The following TANC2 variants were observed in gnomAD, a reference collection of about 807,000 sequenced individuals.
The protein encoded by TANC2 is tetratricopeptide repeat, ankyrin repeat and coiled-coil containing 2.
TANC2 carries 26 observed loss-of-function variants against 210.5 expected under a neutral mutation model. The observed-to-expected ratio is 0.12, with a 90% CI of 0.09 to 0.17. The LOEUF (loss-of-function observed/expected upper bound fraction) is 0.17, where lower values mean the gene tolerates loss of function less well. Among genes scored for constraint, TANC2 ranks in the 10% least tolerant of loss-of-function variants. TANC2 has a pLI of 1.00. For missense variants in TANC2, 2,129 were observed against 2,608.9 expected (o/e 0.82, Z 4.01); for synonymous variants, 931 against 967.1 (o/e 0.96, Z 0.69).
chr17:63,207,036 C>T (rs1180153483), intron 7 of TANC2, among the ~76,000 whole-genome samples: 1 of 151,804 alleles, frequency 6.6e-6, no homozygotes, highest in African/African-American at 2.4e-5. Context: ...GTATCTCTTC[C>T]CATTTCTCTA....
chr17:63,355,371 A>G, exon 14 of TANC2: 1 of 1,585,718 alleles, frequency 6.3e-7, no homozygotes. Flanking sequence ...AGAGAAAACC[A>G]AATTTCTCTG....
At chr17:63,035,382 T>G (rs1568333750) in intron 2 of TANC2, among the ~76,000 whole-genome samples, 1 of 152,240 alleles carries the variant, frequency 6.6e-6, no homozygotes, top group Non-Finnish European at 1.5e-5. Context: ...TTTGTGTGAC[T>G]CGCTTTATTG....
intron 4 of TANC2, among the ~76,000 whole-genome samples, chr17:63,108,244 CTT>C (rs2037901093): frequency 6.6e-6 from 1 of 151,646 alleles, no homozygotes; most frequent in Non-Finnish European, 1.5e-5. Context: ...AGCAATTAAA[CTT>C]AACTCATTAT....
intron 14 of TANC2, among the ~76,000 whole-genome samples, chr17:63,359,362 T>C (rs1290403478): frequency 2.2e-5 from 3 of 139,272 alleles, no homozygotes; most frequent in African/African-American, 6.5e-5. Context: ...TTTTTTTTTT[T>C]TCGAGACAGA....
intron 8 of TANC2, among the ~76,000 whole-genome samples, chr17:63,257,649 C>T (rs553853294): frequency 3.9e-5 from 6 of 152,264 alleles, no homozygotes; most frequent in African/African-American, 1.4e-4. Context: ...TGTGAGCCAC[C>T]GCACCCAGCC....
intron 14 of TANC2, among the ~76,000 whole-genome samples, chr17:63,358,063 A>G (rs2046828981): frequency 2.0e-5 from 3 of 152,186 alleles, no homozygotes; most frequent in African/African-American, 4.8e-5. Flanking sequence ...TCAGCACTCA[A>G]TTGCCAAAAA....
chr17:63,002,354 T>C (rs2033424011), intron 1 of TANC2, among the ~76,000 whole-genome samples: 1 of 152,252 alleles, frequency 6.6e-6, no homozygotes, highest in Non-Finnish European at 1.5e-5. Flanking sequence ...TAAATAGTTT[T>C]AGTTATCGCA....
chr17:63,316,393 G>A (rs1257053875), intron 10 of TANC2, among the ~76,000 whole-genome samples: 2 of 152,160 alleles, frequency 1.3e-5, no homozygotes, highest in African/African-American at 4.8e-5. Context: ...AGGACGAGAA[G>A]AGTTGCTTTC....
exon 28 of TANC2, chr17:63,423,328 A>T (rs1440841217): frequency 1.3e-5 from 2 of 152,194 alleles, no homozygotes; most frequent in African/African-American, 2.4e-5. Flanking sequence ...TGTCTAGAAG[A>T]CACATCTTCT....
At chr17:63,129,731 A>G (rs137957093) in intron 4 of TANC2, among the ~76,000 whole-genome samples, 9 of 152,174 alleles carry the variant, frequency 5.9e-5, no homozygotes, top group African/African-American at 2.2e-4. Flanking sequence ...GATTAGAAAA[A>G]TAAATTATAA....
At chr17:63,271,430 C>G (rs1192640960) in intron 9 of TANC2, among the ~76,000 whole-genome samples, 2 of 110,124 alleles carry the variant, frequency 1.8e-5, no homozygotes, top group Non-Finnish European at 3.5e-5. Context: ...ACACTGAGCT[C>G]TTTTTCTTTT....
chr17:63,221,442 CAAAAAAAAAAA>C (rs755699051), intron 7 of TANC2, among the ~76,000 whole-genome samples: 5 of 87,522 alleles, frequency 5.7e-5, no homozygotes, highest in Admixed American at 5.1e-4. Context: ...GACTCCATCT[CAAAAAAAAAAA>C]AAAAAAAGAA....
chr17:63,285,652 C>A (rs1321015295), intron 9 of TANC2, among the ~76,000 whole-genome samples: 1 of 152,162 alleles, frequency 6.6e-6, no homozygotes, highest in Non-Finnish European at 1.5e-5. Flanking sequence ...ACACAAGCTT[C>A]CAAGTACCCT....
At chr17:63,044,444 T>G (rs1251114968) in intron 2 of TANC2, among the ~76,000 whole-genome samples, 4 of 152,128 alleles carry the variant, frequency 2.6e-5, no homozygotes, top group Non-Finnish European at 5.9e-5. Flanking sequence ...TACAGTATGT[T>G]TCTTTTATGT....
chr17:63,129,608 T>C (rs2038844529), intron 4 of TANC2, among the ~76,000 whole-genome samples: 1 of 152,134 alleles, frequency 6.6e-6, no homozygotes, highest in Non-Finnish European at 1.5e-5. Context: ...ACACCTGTAG[T>C]CCCAGCTACT....
chr17:63,126,904 A>C (rs967439955), intron 4 of TANC2, among the ~76,000 whole-genome samples: 4 of 152,194 alleles, frequency 2.6e-5, no homozygotes, highest in Admixed American at 6.5e-5. Flanking sequence ...AAAAGAAAGA[A>C]ATAGCTCTCT....
intron 4 of TANC2, among the ~76,000 whole-genome samples, chr17:63,143,435 G>A (rs2039357145): frequency 6.6e-6 from 1 of 152,106 alleles, no homozygotes; most frequent in Non-Finnish European, 1.5e-5. Flanking sequence ...AATTATTCTA[G>A]AGCTTTTAGC....
intron 8 of TANC2, among the ~76,000 whole-genome samples, chr17:63,243,079 G>A (rs560397675): frequency 9.2e-5 from 14 of 152,224 alleles, no homozygotes; most frequent in African/African-American, 2.4e-4. Flanking sequence ...TTTGATCTCC[G>A]ACCCAAAGTT....
chr17:63,113,603 G>A (rs1163835972), intron 4 of TANC2, among the ~76,000 whole-genome samples: 1 of 152,072 alleles, frequency 6.6e-6, no homozygotes, highest in Non-Finnish European at 1.5e-5. Flanking sequence ...AACCTCCTGG[G>A]GTCAAGAGAT....
Sources: gnomAD v4.1 joint callset for allele counts (sites outside exome capture counted in the v4.1 genomes callset) on GRCh38, gnomAD v4.1.1 for gene constraint, MANE v1.5 for transcripts, NCBI Gene and HGNC (gene_info 2026-07-23, HGNC 2026-07-21) for gene names.